FAT3: variants seen among roughly 807,000 people sequenced by gnomAD.
FAT3 encodes the protein protocadherin Fat 3.
A neutral mutation model predicts 310.2 loss-of-function variants in FAT3; 95 were observed. The observed-to-expected ratio is 0.31, with a 90% confidence interval of 0.26 to 0.36. FAT3 has a LOEUF of 0.36. Ranked by LOEUF, FAT3 falls within the 10% of genes least tolerant of loss-of-function variation. FAT3 has a pLI of 1.00. For missense variants in FAT3, 5,408 were observed against 5,715.6 expected, an observed-to-expected ratio of 0.95 and a Z score of 1.74; for synonymous variants, 2,314 against 2,192.9, an observed-to-expected ratio of 1.06 and a Z score of -1.54.
chr11:92,613,213 G>T (rs947954497), intron 3 of FAT3, among the ~76,000 whole-genome samples: 14 of 152,042 alleles, frequency 9.2e-5, no homozygotes, highest in African/African-American at 3.1e-4. Flanking sequence ...TCCTTTGGTC[G>T]AGAAGACTTT....
At chr11:92,661,848 G>A (rs1942794854) in intron 3 of FAT3, among the ~76,000 whole-genome samples, 1 of 152,046 alleles carries the variant, frequency 6.6e-6, no homozygotes, top group African/African-American at 2.4e-5. Flanking sequence ...GAGATTGTGA[G>A]AAAGGAATTA....
intron 2 of FAT3, among the ~76,000 whole-genome samples, chr11:92,423,136 ATC>A (rs1950564481): frequency 6.6e-6 from 1 of 152,150 alleles, no homozygotes; most frequent in Non-Finnish European, 1.5e-5. Context: ...AGACATGCCT[ATC>A]TCTCTTCCTC....
intron 2 of FAT3, among the ~76,000 whole-genome samples, chr11:92,505,226 C>T (rs547827499): frequency 6.6e-6 from 1 of 152,118 alleles, no homozygotes; most frequent in Non-Finnish European, 1.5e-5. Flanking sequence ...GATGCTGATG[C>T]AACCATCAGA....
chr11:92,823,654 C>T (rs1278518144), intron 13 of FAT3, among the ~76,000 whole-genome samples: 1 of 152,150 alleles, frequency 6.6e-6, no homozygotes, highest in East Asian at 1.9e-4. Flanking sequence ...ATTTTTGGTG[C>T]AGTCATCAGG....
chr11:92,299,965 T>G (rs1946952619), intron 1 of FAT3, among the ~76,000 whole-genome samples: 1 of 152,166 alleles, frequency 6.6e-6, no homozygotes, highest in Admixed American at 6.5e-5. Flanking sequence ...CATTAACCTT[T>G]CTTTTTCCTC....
In FAT3 at chr11:92,893,159, A is replaced by C. The variant is rs1177879409; in HGVS notation, c.*2046A>C. Reference sequence around the variant, plus strand: ...AGTCAGTGTTTCTGAATGTTTATGCAAAAAAAAAAATCCTTTTTCATTCCC... The same window carrying C: ...AGTCAGTGTTTCTGAATGTTTATGCCAAAAAAAAAATCCTTTTTCATTCCC... On this transcript the variant is annotated 3_prime_UTR_variant, in exon 28 of 28. Coordinates refer to ENST00000525166, the MANE Select transcript of FAT3 (RefSeq NM_001367949.2). The C allele has an allele frequency of 8.7e-6, 1 of 114,728 alleles. No homozygotes were observed. Among genetic ancestry groups the C allele is most frequent in the Non-Finnish European group, 1.9e-5 (1 of 53,766 alleles). 7.1% of individuals were successfully genotyped at this position (114,728 alleles called of 1,614,324 possible).
At chr11:92,861,324 A>G (rs1019853384) in intron 21 of FAT3, among the ~76,000 whole-genome samples, 1 of 152,194 alleles carries the variant, frequency 6.6e-6, no homozygotes. Flanking sequence ...GAGAGAACAA[A>G]AATATTGAAC....
chr11:92,278,795 G>A (rs908353513), intron 1 of FAT3, among the ~76,000 whole-genome samples: 1 of 152,084 alleles, frequency 6.6e-6, no homozygotes, highest in Non-Finnish European at 1.5e-5. Context: ...CATTAGTAGC[G>A]ATTAGTAAAG....
At chr11:92,728,321 T>A (rs1392693719) in intron 4 of FAT3, among the ~76,000 whole-genome samples, 3 of 152,144 alleles carry the variant, frequency 2.0e-5, no homozygotes, top group Non-Finnish European at 4.4e-5. Context: ...AAAAGATAAA[T>A]GAAAGACGGG....
chr11:92,446,785 G>T (rs1043537517), intron 2 of FAT3, among the ~76,000 whole-genome samples: 3 of 152,098 alleles, frequency 2.0e-5, no homozygotes, highest in Admixed American at 6.5e-5. Context: ...TGACCTGTTG[G>T]TGTCTTTGTA....
intron 1 of FAT3, among the ~76,000 whole-genome samples, chr11:92,296,019 A>T (rs1461606263): frequency 6.6e-6 from 1 of 152,092 alleles, no homozygotes; most frequent in Non-Finnish European, 1.5e-5. Flanking sequence ...TGGAGATAGA[A>T]GCTAAGACTA....
intron 2 of FAT3, among the ~76,000 whole-genome samples, chr11:92,380,471 G>T (rs780738665): frequency 5.3e-5 from 8 of 152,164 alleles, no homozygotes; most frequent in Non-Finnish European, 7.4e-5. Context: ...CGCCCTCAAA[G>T]AAACCATGTT....
intron 17 of FAT3, among the ~76,000 whole-genome samples, chr11:92,838,207 C>T (rs972238167): frequency 2.0e-5 from 3 of 152,130 alleles, no homozygotes; most frequent in African/African-American, 7.2e-5. Context: ...TTCTCTTTCC[C>T]CAGTGGCAGG....
chr11:92,765,789 A>AGGGG (rs11430971), intron 6 of FAT3, among the ~76,000 whole-genome samples: 150 of 150,310 alleles, frequency 1.0e-3, no homozygotes, highest in African/African-American at 3.4e-3. Flanking sequence ...ATTTTTTTTG[A>AGGGG]GGGGGGGGTT....
At chr11:92,851,420 C>A (rs1320259035) in intron 19 of FAT3, among the ~76,000 whole-genome samples, 5 of 152,080 alleles carry the variant, frequency 3.3e-5, no homozygotes, top group African/African-American at 1.2e-4. Context: ...AAAAGGAAAT[C>A]GAGACCTAGA....
At chr11:92,310,356 C>T (rs1947265540) in intron 1 of FAT3, among the ~76,000 whole-genome samples, 1 of 152,108 alleles carries the variant, frequency 6.6e-6, no homozygotes, top group South Asian at 2.1e-4. Flanking sequence ...TGGGAATACA[C>T]ATGTTGATAA....
intron 1 of FAT3, among the ~76,000 whole-genome samples, chr11:92,272,759 A>G (rs1946161439): frequency 6.6e-6 from 1 of 152,074 alleles, no homozygotes. Context: ...GGCCATCCTT[A>G]CTTCTGTTAT....
chr11:92,647,288 A>G (rs1942203250), intron 3 of FAT3, among the ~76,000 whole-genome samples: 1 of 152,184 alleles, frequency 6.6e-6, no homozygotes, highest in Non-Finnish European at 1.5e-5. Context: ...TCTTTATTTT[A>G]AAAGAACATA....
At chr11:92,427,792 C>T (rs1950669339) in intron 2 of FAT3, among the ~76,000 whole-genome samples, 1 of 152,078 alleles carries the variant, frequency 6.6e-6, no homozygotes, top group African/African-American at 2.4e-5. Context: ...TGAGGATTTT[C>T]ACACTGATGT....
Sources: allele counts gnomAD v4.1 joint callset (sites outside exome capture counted in the v4.1 genomes callset), GRCh38; gene constraint gnomAD v4.1.1; transcripts MANE v1.5; gene names NCBI Gene and HGNC (gene_info 2026-07-23, HGNC 2026-07-21).